The following SCD5 variants were observed in gnomAD, a reference collection of about 807,000 sequenced individuals.
SCD5 encodes stearoyl-CoA desaturase 5.
In SCD5, 20 loss-of-function variants were observed where a neutral mutation model predicts 30.4. That is an observed-to-expected ratio of 0.66 (90% CI 0.46 to 0.96). SCD5 has a LOEUF of 0.96. Ranked by LOEUF, SCD5 falls within the 40% of genes least tolerant of loss-of-function variation. The pLI, the probability that SCD5 is intolerant of heterozygous loss-of-function variation, is 0.00. For synonymous variants in SCD5, 173 were observed against 176.4 expected (o/e 0.98, Z 0.16); for missense variants, 381 against 443.3 (o/e 0.86, Z 1.26).
intron 3 of SCD5, among the ~76,000 whole-genome samples, chr4:82,678,010 C>T (rs1370643887): frequency 6.6e-6 from 1 of 152,004 alleles, no homozygotes; most frequent in East Asian, 1.9e-4. Context: ...CCTGTTTGGC[C>T]TGTACTCTCA....
At position 82,723,741 on chromosome 4, in the gene SCD5, G is replaced by A. The variant is rs553889148; in HGVS notation, c.233-18328C>T. On this transcript the variant is annotated intron_variant, in intron 1 of 4. Coordinates refer to ENST00000319540, the MANE Select transcript of SCD5 (RefSeq NM_001037582.3). ...CACCTCGCAGTTTACAGAAAACAGA[G>A]GGAAGGTAGAAACAATCACACAAAA... Among the ~76,000 whole-genome samples, 74 of 152,256 alleles carry A rather than the reference G, an allele frequency of 4.9e-4. 1 individual carries two copies. Among genetic ancestry groups the A allele is most frequent in the African/African-American group, 1.8e-3 (74 of 41,534 alleles).
rs1722176733 is a variant in SCD5, at chr4:82,794,825, T to C, written c.232+3481A>G. Among the ~76,000 whole-genome samples, 3 of 151,624 alleles carry C rather than the reference T, an allele frequency of 2.0e-5. No homozygotes were observed. The South Asian group carries it at 6.3e-4, about 32-fold the overall frequency. The stretch of plus-strand genomic sequence containing the variant: ...CCACCACGCCCGGCTAATTTTTGTA[T>C]TTTTTTTAGTAGAGATGGGGTTTCA... On this transcript the variant is annotated intron_variant, in intron 1 of 4. Coordinates refer to ENST00000319540, the MANE Select transcript of SCD5 (RefSeq NM_001037582.3).
chr4:82,658,930 T>A (rs1040275959), intron 3 of SCD5, among the ~76,000 whole-genome samples: 4 of 152,190 alleles, frequency 2.6e-5, no homozygotes, highest in Non-Finnish European at 4.4e-5. Context: ...TCTTTTTACC[T>A]CTGGTAGAAT....
At chr4:82,631,736 T>C (rs1727298980) in intron 4 of SCD5, among the ~76,000 whole-genome samples, 1 of 152,186 alleles carries the variant, frequency 6.6e-6, no homozygotes, top group Non-Finnish European at 1.5e-5. Flanking sequence ...AGATTAACTT[T>C]CCTATGTGAA....
At chr4:82,638,972 C>A (rs1727486197) in intron 3 of SCD5, among the ~76,000 whole-genome samples, 1 of 152,174 alleles carries the variant, frequency 6.6e-6, no homozygotes, top group African/African-American at 2.4e-5. Flanking sequence ...ATGTAGCTGG[C>A]CCAAAGTCGC....
intron 1 of SCD5, among the ~76,000 whole-genome samples, chr4:82,737,252 G>A (rs2148837659): frequency 6.6e-6 from 1 of 152,304 alleles, no homozygotes; most frequent in Middle Eastern, 3.4e-3. Flanking sequence ...AATTACTAAG[G>A]AGGCTGAGTC....
At chr4:82,689,855 A>C (rs764743567) in intron 2 of SCD5, among the ~76,000 whole-genome samples, 2 of 152,228 alleles carry the variant, frequency 1.3e-5, no homozygotes, top group Non-Finnish European at 2.9e-5. Context: ...CTCTTTTTCA[A>C]TGCTGAGGAG....
chr4:82,715,749 A>G (rs1720213552), intron 1 of SCD5, among the ~76,000 whole-genome samples: 2 of 151,770 alleles, frequency 1.3e-5, no homozygotes, highest in South Asian at 4.1e-4. Context: ...TGATGACCAG[A>G]AAGTTAAGAA....
intron 1 of SCD5, among the ~76,000 whole-genome samples, chr4:82,761,894 C>T (rs1468697689): frequency 6.6e-6 from 1 of 151,930 alleles, no homozygotes; most frequent in Admixed American, 6.6e-5. Context: ...ACTCCATGGC[C>T]GGGCGTAGTG....
intron 1 of SCD5, among the ~76,000 whole-genome samples, chr4:82,707,959 A>G (rs747310852): frequency 1.8e-4 from 28 of 152,370 alleles, no homozygotes; most frequent in Non-Finnish European, 3.7e-4. Context: ...GCAACAATAG[A>G]TAACTTGAAT....
chr4:82,697,768 C>T (rs907184350), intron 2 of SCD5, among the ~76,000 whole-genome samples: 1 of 152,200 alleles, frequency 6.6e-6, no homozygotes, highest in African/African-American at 2.4e-5. Context: ...CTCTTTCTTG[C>T]TCTCTCGCTC....
chr4:82,723,481 TA>T (rs1344569810), intron 1 of SCD5, among the ~76,000 whole-genome samples: 2 of 152,216 alleles, frequency 1.3e-5, no homozygotes, highest in Non-Finnish European at 2.9e-5. Flanking sequence ...ACTTTTTTGC[TA>T]AAATTTTTTC....
intron 2 of SCD5, among the ~76,000 whole-genome samples, chr4:82,702,130 CTTTTTTTTTTTTTT>C (rs10701664): frequency 2.2e-4 from 14 of 64,116 alleles, no homozygotes; most frequent in East Asian, 8.7e-4. Context: ...CCATCATCAT[CTTTTTTTTTTTTTT>C]TTTTTTTTTT....
intron 1 of SCD5, among the ~76,000 whole-genome samples, chr4:82,728,182 T>C (rs1327769834): frequency 2.6e-5 from 4 of 152,222 alleles, no homozygotes; most frequent in Non-Finnish European, 4.4e-5. Flanking sequence ...GGAGTGAAAC[T>C]GCCTTTGCAA....
intron 1 of SCD5, among the ~76,000 whole-genome samples, chr4:82,780,669 C>T (rs189676845): frequency 6.6e-6 from 1 of 152,368 alleles, no homozygotes; most frequent in African/African-American, 2.4e-5. Context: ...CTCATAAGCC[C>T]AATTAATATC....
intron 1 of SCD5, among the ~76,000 whole-genome samples, chr4:82,737,054 T>C (rs1206194548): frequency 1.3e-5 from 2 of 152,204 alleles, no homozygotes; most frequent in South Asian, 2.1e-4. Context: ...GTCTCAAACA[T>C]ATACTAGCTC....
chr4:82,687,600 G>A (rs1328197945), intron 2 of SCD5, among the ~76,000 whole-genome samples: 1 of 152,150 alleles, frequency 6.6e-6, no homozygotes, highest in Non-Finnish European at 1.5e-5. Context: ...CAAGTGGTGT[G>A]GCAGTGCCCT....
At chr4:82,710,878 C>A (rs1720068486) in intron 1 of SCD5, among the ~76,000 whole-genome samples, 1 of 117,038 alleles carries the variant, frequency 8.5e-6, no homozygotes. Context: ...GAAAACAAGA[C>A]AAAGAGAAAA....
At chr4:82,748,704 C>T (rs570296357) in intron 1 of SCD5, among the ~76,000 whole-genome samples, 58 of 152,036 alleles carry the variant, frequency 3.8e-4, no homozygotes, top group Non-Finnish European at 6.0e-4. Context: ...GTGAGTTTAC[C>T]GAGGTTAGGG....
Sources: gnomAD v4.1 joint callset for allele counts (sites outside exome capture counted in the v4.1 genomes callset) on GRCh38, gnomAD v4.1.1 for gene constraint, MANE v1.5 for transcripts, NCBI Gene and HGNC (gene_info 2026-07-23, HGNC 2026-07-21) for gene names.